Variants in ULK4 observed in about 807,000 individuals in gnomAD.
The protein encoded by ULK4 is inactive serine/threonine-protein kinase ULK4.
ULK4 carries 133 observed loss-of-function variants against 160.6 expected under a neutral mutation model. The ratio of observed to expected loss-of-function variants is 0.83; its 90% confidence interval spans 0.72 to 0.96. ULK4 has a LOEUF of 0.96. Ranked by LOEUF, ULK4 falls within the 40% of genes least tolerant of loss-of-function variation. ULK4 has a pLI of 0.00. For synonymous variants in ULK4, 534 were observed against 539.8 expected, an observed-to-expected ratio of 0.99 and a Z score of 0.15; for missense variants, 1,580 against 1,499.5, an observed-to-expected ratio of 1.05 and a Z score of -0.89.
At chr3:41,900,339 G>A (rs1453535391) in intron 13 of ULK4, among the ~76,000 whole-genome samples, 1 of 152,040 alleles carries the variant, frequency 6.6e-6, no homozygotes, top group African/African-American at 2.4e-5. Flanking sequence ...TTGTGCCTTC[G>A]AAATACATCA....
intron 32 of ULK4, among the ~76,000 whole-genome samples, chr3:41,489,725 G>A (rs2084678920): frequency 6.6e-6 from 1 of 151,942 alleles, no homozygotes; most frequent in Non-Finnish European, 1.5e-5. Flanking sequence ...TAGTAAATAC[G>A]AGTTCTCCTG....
chr3:41,825,806 G>C (rs1027609655), intron 18 of ULK4, among the ~76,000 whole-genome samples: 1 of 152,090 alleles, frequency 6.6e-6, no homozygotes, highest in Non-Finnish European at 1.5e-5. Flanking sequence ...GAAATACAGA[G>C]AACGCCACAA....
intron 17 of ULK4, among the ~76,000 whole-genome samples, chr3:41,880,730 C>T (rs1697486556): frequency 6.6e-6 from 1 of 152,076 alleles, no homozygotes; most frequent in Admixed American, 6.5e-5. Flanking sequence ...TCAAGACCAG[C>T]CTGACCAACA....
At chr3:41,941,485 C>T (rs1699953974) in intron 2 of ULK4, among the ~76,000 whole-genome samples, 2 of 151,258 alleles carry the variant, frequency 1.3e-5, no homozygotes, top group Admixed American at 6.6e-5. Flanking sequence ...TACCGTAGCA[C>T]AATTAGAGGA....
rs563047175 is a variant in ULK4 at position 41,673,331 on chromosome 3, T to G, written c.2978+8177A>C. Among the ~76,000 whole-genome samples the G allele has an allele frequency of 3.3e-5, 5 of 152,160 alleles. No homozygotes were observed. The East Asian group carries it at 9.7e-4, about 29-fold the overall frequency. On this transcript the variant is annotated intron_variant, in intron 29 of 36. Transcript: ENST00000301831. ...TTGAGCCACAAATAGAGAAATCAGG[T>G]AGTCAAACGCACGACTTTTGCTGGA...
chr3:41,644,591 T>C (rs1403592530), intron 30 of ULK4, among the ~76,000 whole-genome samples: 1 of 152,202 alleles, frequency 6.6e-6, no homozygotes, highest in African/African-American at 2.4e-5. Context: ...TGGATTCGGT[T>C]TGCCAGTATT....
intron 31 of ULK4, among the ~76,000 whole-genome samples, chr3:41,581,662 TCCCAAACCTACA>T (rs2030352460): frequency 6.6e-6 from 1 of 152,128 alleles, no homozygotes; most frequent in Non-Finnish European, 1.5e-5. Context: ...CTTACACTGG[TCCCAAACCTACA>T]CCCAGACATG....
At chr3:41,756,582 A>G (rs1413801516) in intron 21 of ULK4, among the ~76,000 whole-genome samples, 2 of 152,198 alleles carry the variant, frequency 1.3e-5, no homozygotes, top group Non-Finnish European at 2.9e-5. Flanking sequence ...GAATCTCAGG[A>G]TGATTCCAAG....
At chr3:41,402,092 TATTA>T (rs1183564348) in intron 34 of ULK4, among the ~76,000 whole-genome samples, 1 of 152,234 alleles carries the variant, frequency 6.6e-6, no homozygotes, top group Non-Finnish European at 1.5e-5. Context: ...TTCTGGAATC[TATTA>T]ATTGTTAGTA....
intron 17 of ULK4, among the ~76,000 whole-genome samples, chr3:41,840,906 C>G (rs1321546041): frequency 2.7e-5 from 4 of 150,304 alleles, no homozygotes; most frequent in African/African-American, 9.8e-5. Context: ...TCTGCCCTGC[C>G]ACCACCCTGT....
At chr3:41,432,505 G>C (rs2082936219) in intron 34 of ULK4, among the ~76,000 whole-genome samples, 1 of 152,020 alleles carries the variant, frequency 6.6e-6, no homozygotes, top group South Asian at 2.1e-4. Context: ...TTTCCCACCG[G>C]GAAGCCACTA....
chr3:41,279,836 G>C (rs2079314734), intron 35 of ULK4, among the ~76,000 whole-genome samples: 2 of 152,090 alleles, frequency 1.3e-5, no homozygotes, highest in Non-Finnish European at 2.9e-5. Flanking sequence ...CCAATTAAAA[G>C]ACACAGACTG....
At chr3:41,820,821 C>T (rs2041124043) in intron 18 of ULK4, among the ~76,000 whole-genome samples, 1 of 152,032 alleles carries the variant, frequency 6.6e-6, no homozygotes, top group Non-Finnish European at 1.5e-5. Flanking sequence ...ATTACTAATC[C>T]AAAAGTATTT....
intron 34 of ULK4, among the ~76,000 whole-genome samples, chr3:41,441,112 T>G (rs1288247663): frequency 6.6e-6 from 1 of 152,094 alleles, no homozygotes; most frequent in African/African-American, 2.4e-5. Flanking sequence ...ACTTATGTTC[T>G]CCACTGTTTT....
intron 31 of ULK4, among the ~76,000 whole-genome samples, chr3:41,592,771 CTT>C (rs1188270603): frequency 9.9e-5 from 15 of 152,206 alleles, no homozygotes; most frequent in Non-Finnish European, 2.1e-4. Context: ...TTAACCTTCT[CTT>C]TATCATATCA....
intron 32 of ULK4, among the ~76,000 whole-genome samples, chr3:41,475,946 G>A (rs1418492154): frequency 2.0e-5 from 3 of 151,184 alleles, no homozygotes; most frequent in Non-Finnish European, 3.0e-5. Context: ...GGAGGGAGAA[G>A]GGAGGAAAGG....
intron 32 of ULK4, among the ~76,000 whole-genome samples, chr3:41,483,215 A>T (rs1340504518): frequency 6.6e-6 from 1 of 152,166 alleles, no homozygotes; most frequent in African/African-American, 2.4e-5. Flanking sequence ...TATCTCCATG[A>T]TTTCAATTGT....
chr3:41,766,953 G>A (rs2039184195), intron 21 of ULK4: 1 of 152,168 alleles, frequency 6.6e-6, no homozygotes, highest in Admixed American at 6.5e-5. Context: ...AAGAGCTACT[G>A]GAAGTTTTTG....
chr3:41,898,778 A>T (rs1034124664), intron 13 of ULK4, among the ~76,000 whole-genome samples: 1 of 152,270 alleles, frequency 6.6e-6, no homozygotes, highest in African/African-American at 2.4e-5. Context: ...CTAATTAGAA[A>T]TTCAGTCATT....
Sources: gnomAD v4.1 joint callset for allele counts (sites outside exome capture counted in the v4.1 genomes callset) on GRCh38, gnomAD v4.1.1 for gene constraint, MANE v1.5 for transcripts, NCBI Gene and HGNC (gene_info 2026-07-23, HGNC 2026-07-21) for gene names.